PDE1A: variants seen among roughly 807,000 people sequenced by gnomAD.
PDE1A encodes dual specificity calcium/calmodulin-dependent 3',5'-cyclic nucleotide phosphodiesterase 1A.
A neutral mutation model predicts 61.7 loss-of-function variants in PDE1A; 35 were observed. The observed-to-expected ratio is 0.57, with a 90% CI of 0.43 to 0.75. The LOEUF (loss-of-function observed/expected upper bound fraction) is 0.75. Ranked by LOEUF, PDE1A falls within the 30% of genes least tolerant of loss-of-function variation. The probability of loss-of-function intolerance (pLI) is 0.00; values close to 1 mark genes in which losing one functional copy is unlikely to be tolerated. For synonymous variants in PDE1A, 232 were observed against 213.2 expected (o/e 1.09, Z -0.77); for missense variants, 597 against 630.6 (o/e 0.95, Z 0.57).
At chr2:182,284,630 C>G (rs552504076) in intron 1 of PDE1A, among the ~76,000 whole-genome samples, 1 of 152,114 alleles carries the variant, frequency 6.6e-6, no homozygotes, top group Non-Finnish European at 1.5e-5. Context: ...AGAAAATAAT[C>G]AGATTTCTCC....
intron 1 of PDE1A, among the ~76,000 whole-genome samples, chr2:182,384,341 A>C (rs1218249562): frequency 6.6e-6 from 1 of 151,902 alleles, no homozygotes; most frequent in African/African-American, 2.4e-5. Context: ...ACCACCTGAC[A>C]AAAAAAATTC....
At chr2:182,593,624 T>C in the PDE1A span, among the ~76,000 whole-genome samples, 2 of 152,222 alleles carry the variant, frequency 1.3e-5, no homozygotes, top group African/African-American at 4.8e-5. Context: ...CAGCATCTTA[T>C]ACTAAAAAGA....
At chr2:182,667,153 G>C in the PDE1A span, among the ~76,000 whole-genome samples, 1 of 152,154 alleles carries the variant, frequency 6.6e-6, no homozygotes, top group Middle Eastern at 3.2e-3. Context: ...TTAGCCACCA[G>C]ACCTGCAGTT....
chr2:182,145,572 C>CA (rs751887437), downstream of PDE1A, among the ~76,000 whole-genome samples: 51 of 151,766 alleles, frequency 3.4e-4, no homozygotes, highest in Admixed American at 9.2e-4. Flanking sequence ...TACTAAAATA[C>CA]AAAAAAATTA....
the PDE1A span, among the ~76,000 whole-genome samples, chr2:182,701,257 G>A: frequency 1.3e-5 from 2 of 151,764 alleles, no homozygotes; most frequent in African/African-American, 4.8e-5. Flanking sequence ...GGATGGTCTC[G>A]ATCTCCTGAC....
chr2:182,563,756 T>G, the PDE1A span, among the ~76,000 whole-genome samples: 1 of 152,224 alleles, frequency 6.6e-6, no homozygotes, highest in African/African-American at 2.4e-5. Context: ...TGGGTGCATA[T>G]ATATTTAGGA....
At chr2:182,567,455 A>G in the PDE1A span, among the ~76,000 whole-genome samples, 9 of 152,352 alleles carry the variant, frequency 5.9e-5, no homozygotes, top group East Asian at 1.7e-3. Context: ...ATAGTTATGA[A>G]AAGGAAAATC....
At chr2:182,606,621 AAAG>A in the PDE1A span, among the ~76,000 whole-genome samples, 1 of 152,248 alleles carries the variant, frequency 6.6e-6, no homozygotes, top group African/African-American at 2.4e-5. Context: ...TAATATAGAA[AAAG>A]AAGACAGGAA....
intron 1 of PDE1A, among the ~76,000 whole-genome samples, chr2:182,386,424 C>T (rs530081214): frequency 1.3e-4 from 19 of 151,218 alleles, no homozygotes; most frequent in African/African-American, 4.1e-4. Context: ...GGCTGCCCAT[C>T]GTCTGAGATG....
At chr2:182,664,309 T>G in the PDE1A span, among the ~76,000 whole-genome samples, 3 of 152,188 alleles carry the variant, frequency 2.0e-5, no homozygotes, top group Admixed American at 2.0e-4. Context: ...CATGGATTAT[T>G]ATACAAACAT....
chr2:182,265,342 A>G (rs767370682), intron 1 of PDE1A, among the ~76,000 whole-genome samples: 1 of 152,162 alleles, frequency 6.6e-6, no homozygotes, highest in Non-Finnish European at 1.5e-5. Flanking sequence ...TGACTGCTAG[A>G]TTCGCTATTA....
chr2:182,465,851 G>A (rs1686623324), intron 2 of PDE1A, among the ~76,000 whole-genome samples: 3 of 152,040 alleles, frequency 2.0e-5, no homozygotes, highest in Admixed American at 6.6e-5. Flanking sequence ...TTTTGATGAT[G>A]AGAACATGTC....
intron 1 of PDE1A, among the ~76,000 whole-genome samples, chr2:182,336,066 A>G (rs927344363): frequency 6.6e-6 from 1 of 152,236 alleles, no homozygotes; most frequent in African/African-American, 2.4e-5. Context: ...AACCACAATG[A>G]GATACTATCT....
At chr2:182,546,549 G>A in the PDE1A span, among the ~76,000 whole-genome samples, 2 of 152,172 alleles carry the variant, frequency 1.3e-5, no homozygotes, top group African/African-American at 2.4e-5. Context: ...CGTGGATAAC[G>A]AAGCATCGAT....
chr2:182,527,732 G>A (rs1444502175), upstream of PDE1A, among the ~76,000 whole-genome samples: 2 of 152,018 alleles, frequency 1.3e-5, no homozygotes, highest in African/African-American at 4.8e-5. Flanking sequence ...TTGAATTGTA[G>A]CTCCCATAAT....
At chr2:182,432,980 C>T (rs999132243) in intron 2 of PDE1A, among the ~76,000 whole-genome samples, 4 of 152,064 alleles carry the variant, frequency 2.6e-5, no homozygotes, top group Non-Finnish European at 4.4e-5. Context: ...TTCCTTGTTA[C>T]TTCAATATCC....
chr2:182,669,555 G>T, the PDE1A span, among the ~76,000 whole-genome samples: 2 of 151,996 alleles, frequency 1.3e-5, no homozygotes, highest in African/African-American at 4.8e-5. Flanking sequence ...AGCAACCTTC[G>T]CTATTTTTCC....
chr2:182,696,205 G>T, the PDE1A span, among the ~76,000 whole-genome samples: 1 of 152,188 alleles, frequency 6.6e-6, no homozygotes, highest in Non-Finnish European at 1.5e-5. Context: ...AAATGTGGAT[G>T]CAACCAAAAT....
intron 1 of PDE1A, among the ~76,000 whole-genome samples, chr2:182,407,159 T>C (rs979662103): frequency 1.3e-5 from 2 of 152,174 alleles, no homozygotes; most frequent in Admixed American, 6.5e-5. Context: ...GAAATCCCAT[T>C]TCATAATTAA....
Sources: allele counts gnomAD v4.1 joint callset (sites outside exome capture counted in the v4.1 genomes callset), GRCh38; gene constraint gnomAD v4.1.1; transcripts MANE v1.5; gene names NCBI Gene and HGNC (gene_info 2026-07-23, HGNC 2026-07-21).